Variants in CDH13 observed in about 807,000 individuals in gnomAD.
The protein encoded by CDH13 is cadherin 13, also known as cadherin-13.
In CDH13, 24 loss-of-function variants were observed where a neutral mutation model predicts 63.8. That is an observed-to-expected ratio of 0.38 (90% confidence interval 0.27 to 0.53). The LOEUF (loss-of-function observed/expected upper bound fraction) is 0.53, where lower values mean the gene tolerates loss of function less well. Among genes scored for constraint, CDH13 ranks in the 20% least tolerant of loss-of-function variants. The pLI, the probability that CDH13 is intolerant of heterozygous loss-of-function variation, is 0.85. For missense variants in CDH13, 1,049 were observed against 903.1 expected (o/e 1.16, Z -2.07); for synonymous variants, 503 against 355.3 (o/e 1.42, Z -4.67).
At chr16:83,713,470 A>G (rs1908384090) in intron 10 of CDH13, among the ~76,000 whole-genome samples, 2 of 152,004 alleles carry the variant, frequency 1.3e-5, no homozygotes, top group Admixed American at 1.3e-4. Context: ...ACACGAACCA[A>G]GTAGGTAGAT....
At chr16:83,703,925 T>C (rs1019749605) in intron 10 of CDH13, among the ~76,000 whole-genome samples, 3 of 152,160 alleles carry the variant, frequency 2.0e-5, no homozygotes, top group African/African-American at 7.2e-5. Context: ...CTGCACAAAA[T>C]ATGTCATCTA....
In CDH13 at chr16:83,678,048, A is replaced by G. The variant is rs571804456; in HGVS notation, c.1285-160A>G. On this transcript the variant is annotated intron_variant, in intron 9 of 13. Coordinates refer to ENST00000567109, the MANE Select transcript of CDH13 (RefSeq NM_001257.5). ...CACATTTTCATGTTTCATATTCTTT[A>G]TCTTAAAGATAGCCCCCCAGTTACA... 6.5e-4 allele frequency among the ~76,000 whole-genome samples: 99 copies of G among 152,266 alleles called. 1 individual carries two copies. Among genetic ancestry groups the G allele is most frequent in the Non-Finnish European group, 1.2e-3 (80 of 68,020 alleles).
At chr16:82,636,999 A>G (rs959915674) in intron 1 of CDH13, among the ~76,000 whole-genome samples, 2 of 152,214 alleles carry the variant, frequency 1.3e-5, no homozygotes, top group Non-Finnish European at 2.9e-5. Flanking sequence ...TTTCATCTGT[A>G]AAATGGACCA....
chr16:83,438,850 A>G (rs2072399969), intron 6 of CDH13, among the ~76,000 whole-genome samples: 1 of 152,250 alleles, frequency 6.6e-6, no homozygotes, highest in African/African-American at 2.4e-5. Flanking sequence ...AGAACAATCT[A>G]AACTGCAGAT....
At chr16:82,792,492 G>A (rs1399901071) in intron 1 of CDH13, among the ~76,000 whole-genome samples, 4 of 152,056 alleles carry the variant, frequency 2.6e-5, no homozygotes, top group African/African-American at 9.7e-5. Flanking sequence ...CAATTCTGGG[G>A]GTTCTGGACT....
Position 83,047,798 on chromosome 16 carries a change from A to T in CDH13, c.366+15580A>T, listed in dbSNP as rs1035586317. On this transcript the variant is annotated intron_variant, in intron 3 of 13. Transcript: ENST00000567109. The surrounding 1 kb of genome is among the most constrained non-coding windows in gnomAD (Gnocchi z 4.9). ...TAGCTCAAACGTTGTGCGGGGCACC[A>T]CTTTAAGTGCATTTCTTACATTAAG... Among the ~76,000 whole-genome samples, 3 of 152,230 alleles carry T rather than the reference A, an allele frequency of 2.0e-5. No homozygotes were observed. The highest frequency in any genetic ancestry group is 7.2e-5 in the African/African-American group (3 of 41,450).
chr16:83,655,192 T>G (rs1598421728), intron 8 of CDH13: 2 of 152,256 alleles, frequency 1.3e-5, no homozygotes, highest in Admixed American at 6.5e-5. Flanking sequence ...TTGGCATCCT[T>G]TGTGTCTGTC....
chr16:83,266,385 A>C (rs1907624538), intron 5 of CDH13, among the ~76,000 whole-genome samples: 1 of 152,200 alleles, frequency 6.6e-6, no homozygotes, highest in South Asian at 2.1e-4. Context: ...TATGAATTCT[A>C]CCCTAAGAAG....
chr16:83,357,236 C>G (rs956392757), intron 6 of CDH13, among the ~76,000 whole-genome samples: 1 of 152,140 alleles, frequency 6.6e-6, no homozygotes, highest in Non-Finnish European at 1.5e-5. Context: ...CAATTTTACC[C>G]TCTATCTAGC....
chr16:83,266,442 T>TGTTATTATTTATTA, intron 5 of CDH13, among the ~76,000 whole-genome samples: 1 of 152,348 alleles, frequency 6.6e-6, no homozygotes, highest in South Asian at 2.1e-4. Context: ...ATTGAATTTA[T>TGTTATTATTTATTA]CACTTAATGG....
At chr16:83,157,960 G>C (rs891254500) in intron 4 of CDH13, among the ~76,000 whole-genome samples, 1 of 151,874 alleles carries the variant, frequency 6.6e-6, no homozygotes, top group African/African-American at 2.4e-5. Flanking sequence ...TGTCCTCAAA[G>C]CTTCCTCAGA....
At chr16:83,123,121 G>C (rs1264793284) in intron 3 of CDH13, among the ~76,000 whole-genome samples, 2 of 152,014 alleles carry the variant, frequency 1.3e-5, no homozygotes, top group Admixed American at 1.3e-4. Flanking sequence ...TTTTAGGCTT[G>C]AGTAGTATTT....
intron 6 of CDH13, among the ~76,000 whole-genome samples, chr16:83,453,694 G>A (rs1396864088): frequency 6.6e-6 from 1 of 152,056 alleles, no homozygotes; most frequent in Non-Finnish European, 1.5e-5. Context: ...GGCTGTATGT[G>A]GGCAATGTTC....
At chr16:83,196,772 T>C (rs1290552866) in intron 4 of CDH13, among the ~76,000 whole-genome samples, 1 of 152,180 alleles carries the variant, frequency 6.6e-6, no homozygotes, top group Non-Finnish European at 1.5e-5. Context: ...AGTTAATTTA[T>C]TTTTAAAAAG....
At chr16:83,101,637 T>C (rs2034483677) in intron 3 of CDH13, among the ~76,000 whole-genome samples, 1 of 151,956 alleles carries the variant, frequency 6.6e-6, no homozygotes, top group African/African-American at 2.4e-5. Flanking sequence ...CTACTAAAAA[T>C]ACAAAAATTA....
intron 1 of CDH13, among the ~76,000 whole-genome samples, chr16:82,728,064 A>C (rs1015161391): frequency 6.6e-6 from 1 of 152,196 alleles, no homozygotes; most frequent in Non-Finnish European, 1.5e-5. Context: ...CTTCCTCTGG[A>C]AAATGGCAGG....
intron 1 of CDH13, among the ~76,000 whole-genome samples, chr16:82,735,468 A>C (rs2873649): frequency 0.99 from 150,422 of 152,296 alleles, 74,310 homozygotes; most frequent in Middle Eastern, 1. Context: ...GACTTCATGA[A>C]CTAGAGTATC....
At chr16:82,997,364 T>A (rs1485393725) in intron 2 of CDH13, among the ~76,000 whole-genome samples, 1 of 152,184 alleles carries the variant, frequency 6.6e-6, no homozygotes, top group African/African-American at 2.4e-5. Flanking sequence ...GGGCTAGGAC[T>A]AGAGTGAGGT....
At chr16:83,076,120 A>C (rs2032817545) in intron 3 of CDH13, among the ~76,000 whole-genome samples, 1 of 152,196 alleles carries the variant, frequency 6.6e-6, no homozygotes, top group Non-Finnish European at 1.5e-5. Context: ...AAAAAAAGTA[A>C]ATGAGCTATG....
Sources: gnomAD v4.1 joint callset for allele counts (sites outside exome capture counted in the v4.1 genomes callset) on GRCh38, gnomAD v4.1.1 for gene constraint, Gnocchi (gnomAD v3.1) non-coding constraint, MANE v1.5 for transcripts, NCBI Gene and HGNC (gene_info 2026-07-23, HGNC 2026-07-21) for gene names.